The following BACE2 variants were observed in gnomAD, a reference collection of about 807,000 sequenced individuals.
The protein encoded by BACE2 is 56 kDa aspartic-like protease.
In BACE2, 17 loss-of-function variants were observed where a neutral mutation model predicts 46.2. The observed-to-expected ratio is 0.37, with a 90% CI of 0.25 to 0.55. BACE2 has a LOEUF of 0.55. Ranked by LOEUF, BACE2 falls within the 20% of genes least tolerant of loss-of-function variation. BACE2 has a pLI of 0.82. For synonymous variants in BACE2, 277 were observed against 295.9 expected (o/e 0.94, Z 0.66); for missense variants, 595 against 698.1 (o/e 0.85, Z 1.66).
In BACE2 at chr21:41,211,463, C is replaced by T. The variant is rs544176265; in HGVS notation, c.313-14803C>T. Among the ~76,000 whole-genome samples the T allele has an allele frequency of 2.0e-5, 3 of 152,306 alleles. No individual in the cohort carries two copies. In the East Asian group the frequency reaches 5.8e-4, roughly 29 times the overall value. ...TTAATTTTAGATTGTGGAGAAATGGCGCATGACAATTATTTTTGCTTTCTT... is the reference window on the plus strand; with the variant it reads ...TTAATTTTAGATTGTGGAGAAATGGTGCATGACAATTATTTTTGCTTTCTT... On this transcript the variant is annotated intron_variant, in intron 1 of 8. Transcript: ENST00000330333.
rs114456231 is a variant in BACE2, at chr21:41,242,649, C to T, written c.747+702C>T. ...TATGAGGAAATGTTTTATGATTTTGCACAATGAAGCTTTGATCAGGGAAGT... is the reference window on the plus strand; with the variant it reads ...TATGAGGAAATGTTTTATGATTTTGTACAATGAAGCTTTGATCAGGGAAGT... On this transcript the variant is annotated intron_variant, in intron 4 of 8. Coordinates refer to ENST00000330333, the MANE Select transcript of BACE2 (RefSeq NM_012105.5). Among the ~76,000 whole-genome samples, 388 of 152,258 alleles carry T rather than the reference C, an allele frequency of 2.5e-3. 2 individuals are homozygous for T. Among genetic ancestry groups the T allele is most frequent in the African/African-American group, 9.0e-3 (374 of 41,564 alleles).
intron 8 of BACE2, among the ~76,000 whole-genome samples, chr21:41,266,667 C>G (rs903688440): frequency 3.3e-5 from 5 of 152,216 alleles, no homozygotes; most frequent in African/African-American, 1.2e-4. Flanking sequence ...TTCCCGGCTC[C>G]TTTCACCAAT....
chr21:41,185,848 A>G (rs1985356246), intron 1 of BACE2, among the ~76,000 whole-genome samples: 1 of 152,148 alleles, frequency 6.6e-6, no homozygotes, highest in Non-Finnish European at 1.5e-5. Context: ...TGACAACGTG[A>G]CTCTGGTATC....
intron 1 of BACE2, among the ~76,000 whole-genome samples, chr21:41,174,227 C>G (rs1420729382): frequency 1.4e-5 from 2 of 147,000 alleles, no homozygotes; most frequent in Admixed American, 6.8e-5. Flanking sequence ...ACTGCAACCT[C>G]CACCTCCCAG....
chr21:41,238,986 CAGA>C, intron 3 of BACE2, among the ~76,000 whole-genome samples: 1 of 140,400 alleles, frequency 7.1e-6, no homozygotes, highest in East Asian at 2.2e-4. Context: ...AAAAGAACTG[CAGA>C]AGGAGACCAG....
chr21:41,252,296 C>A lies in BACE2; in HGVS notation c.1134+1395C>A, dbSNP rs185311598. ...GCCACTGACCCTCAAGGCCTCTTGC[C>A]TGCAACTGTCTCCTAACCTTTGTTC... On this transcript the variant is annotated intron_variant, in intron 7 of 8. Coordinates refer to ENST00000330333, the MANE Select transcript of BACE2 (RefSeq NM_012105.5). Among the ~76,000 whole-genome samples the A allele has an allele frequency of 2.2e-3, 329 of 152,296 alleles. 5 individuals are homozygous for A. The highest frequency in any genetic ancestry group is 0.02 in the Admixed American group (304 of 15,298).
chr21:41,191,768 G>A (rs1985577536), intron 1 of BACE2, among the ~76,000 whole-genome samples: 1 of 152,122 alleles, frequency 6.6e-6, no homozygotes, highest in Non-Finnish European at 1.5e-5. Flanking sequence ...GGGTGGCTGG[G>A]GAAAGAGGCT....
intron 1 of BACE2, among the ~76,000 whole-genome samples, chr21:41,210,267 C>T (rs541011297): frequency 6.6e-6 from 1 of 152,116 alleles, no homozygotes; most frequent in South Asian, 2.1e-4. Flanking sequence ...CCAAAAAAAC[C>T]TTAAAAACTT....
rs1601332082 is a variant in BACE2, at chr21:41,280,747, A to G, written c.*5123A>G. On this transcript the variant is annotated 3_prime_UTR_variant, in exon 9 of 9. Transcript: ENST00000330333. ...CTGGAATCTATCACAGCTGTTGGGG[A>G]TACGTAACTCCCAGCAATAAATCCA... 1 of 152,316 alleles carries G rather than the reference A, an allele frequency of 6.6e-6. No homozygotes were observed. Among genetic ancestry groups the G allele is most frequent in the Non-Finnish European group, 1.5e-5 (1 of 68,034 alleles). 9.4% of individuals were successfully genotyped at this position (152,316 alleles called of 1,614,324 possible).
At chr21:41,245,711 T>C (rs1029363219) in intron 5 of BACE2, among the ~76,000 whole-genome samples, 1 of 152,226 alleles carries the variant, frequency 6.6e-6, no homozygotes, top group Non-Finnish European at 1.5e-5. Flanking sequence ...GGAGGGCTAT[T>C]GATTTGCTAA....
Position 41,236,566 on chromosome 21 carries a change from C to T in BACE2, c.402-947C>T, listed in dbSNP as rs147227846. On this transcript the variant is annotated intron_variant, in intron 2 of 8. Coordinates refer to ENST00000330333, the MANE Select transcript of BACE2 (RefSeq NM_012105.5). ...GATTCATGTTCTGGCATGCCATTAG[C>T]GTCACTGCCCATATTTTGGTGAGAG... 1.2e-4 allele frequency: 19 copies of T among 152,344 alleles called. 1 individual carries two copies. The East Asian group carries it at 2.9e-3, about 23-fold the overall frequency. 9.4% of individuals were successfully genotyped at this position (152,344 alleles called of 1,614,324 possible). A position where few individuals can be genotyped will look rare whatever the true frequency, so the allele number is the denominator to read the frequency against.
intron 1 of BACE2, among the ~76,000 whole-genome samples, chr21:41,212,802 T>C (rs1986340657): frequency 6.6e-6 from 1 of 152,218 alleles, no homozygotes; most frequent in Non-Finnish European, 1.5e-5. Flanking sequence ...CCAAGGAATA[T>C]GGGTAGGCCA....
At chr21:41,251,005 A>C in intron 7 of BACE2, 104 bp downstream of exon 7, 1 of 1,154,860 alleles carries the variant, frequency 8.7e-7, no homozygotes, top group Non-Finnish European at 1.2e-6. Flanking sequence ...GATCTCTATC[A>C]CCACAATAAT....
rs149037804 is a variant in BACE2 at position 41,257,313 on chromosome 21, G to A, written c.1290G>A (p.Ala430=). 1.7e-3 allele frequency: 2,707 copies of A among 1,613,752 alleles called. 6 individuals carry two copies. Among genetic ancestry groups the A allele is most frequent in the Non-Finnish European group, 2.1e-3 (2,474 of 1,180,006 alleles). Residue 430 remains alanine, a synonymous_variant, in exon 8 of 9, where the codon GCG becomes GCA. Transcript: ENST00000330333. ...DRAQKRVGFA[A]SPCAEIAGAA... Reference sequence around the variant, plus strand: ...CCCAGAAGAGGGTGGGCTTCGCAGCGAGCCCCTGTGCAGGTGAGCGATTCT... The same window carrying A: ...CCCAGAAGAGGGTGGGCTTCGCAGCAAGCCCCTGTGCAGGTGAGCGATTCT...
At position 41,278,841 on chromosome 21, in the gene BACE2, G is replaced by A. The variant is rs1242310892; in HGVS notation, c.*3217G>A. 3 of 152,158 alleles carry A rather than the reference G, an allele frequency of 2.0e-5. No individual in the cohort carries two copies. Among genetic ancestry groups the A allele is most frequent in the South Asian group, 4.2e-4 (2 of 4,816 alleles). 9.4% of individuals were successfully genotyped at this position (152,158 alleles called of 1,614,324 possible). On this transcript the variant is annotated 3_prime_UTR_variant, in exon 9 of 9. Coordinates refer to ENST00000330333, the MANE Select transcript of BACE2 (RefSeq NM_012105.5). Reference sequence around the variant, plus strand: ...GGACTAGTGCCACTCGATATCATTGGGAATAAATCGTTGTTCAACAGTCTG... The same window carrying A: ...GGACTAGTGCCACTCGATATCATTGAGAATAAATCGTTGTTCAACAGTCTG...
rs559718103 is a variant in BACE2 at position 41,270,142 on chromosome 21, G to A, written c.1304-5229G>A. 1.4e-4 allele frequency among the ~76,000 whole-genome samples: 21 copies of A among 152,226 alleles called. 1 individual carries two copies. The highest frequency in any genetic ancestry group is 4.8e-4 in the African/African-American group (20 of 41,528). On this transcript the variant is annotated intron_variant, in intron 8 of 8. Transcript: ENST00000330333. The stretch of plus-strand genomic sequence containing the variant: ...TTGCCATTCATGCATCTTTTTAAAT[G>A]AAATGTCTTTTCAAATGTTCTTGCC...
At chr21:41,239,050 C>T (rs73366461) in intron 3 of BACE2, among the ~76,000 whole-genome samples, 161 of 151,170 alleles carry the variant, frequency 1.1e-3, no homozygotes, top group African/African-American at 3.8e-3. Flanking sequence ...CCTTGCTCAG[C>T]GTTAGGCTTG....
intron 2 of BACE2, among the ~76,000 whole-genome samples, chr21:41,227,459 A>G (rs1986853579): frequency 6.6e-6 from 1 of 152,248 alleles, no homozygotes; most frequent in Non-Finnish European, 1.5e-5. Flanking sequence ...TGAAAATGCC[A>G]GGCAATTTAA....
At position 41,233,561 on chromosome 21, in the gene BACE2, T is replaced by A. The variant is rs1040790495; in HGVS notation, c.402-3952T>A. On this transcript the variant is annotated intron_variant, in intron 2 of 8. Coordinates refer to ENST00000330333, the MANE Select transcript of BACE2 (RefSeq NM_012105.5). ...TAGATATGCAGGCTGGTTCAGGTTC[T>A]TACTAACACTACAAATTCTACAGAG... is the stretch of plus-strand genomic sequence containing the variant. Among the ~76,000 whole-genome samples, 5 of 152,376 alleles carry A rather than the reference T, an allele frequency of 3.3e-5. No homozygotes were observed. In the Middle Eastern group the frequency reaches 0.01, roughly 311 times the overall value.
Sources: allele counts gnomAD v4.1 joint callset (sites outside exome capture counted in the v4.1 genomes callset), GRCh38; gene constraint gnomAD v4.1.1; transcripts MANE v1.5; gene names NCBI Gene and HGNC (gene_info 2026-07-23, HGNC 2026-07-21).